The following KIAA0319 variants were observed in gnomAD, a reference collection of about 807,000 sequenced individuals.
KIAA0319 encodes the protein KIAA0319.
In KIAA0319, 83 loss-of-function variants were observed where a neutral mutation model predicts 108.4. The observed-to-expected ratio is 0.77, with a 90% CI of 0.64 to 0.92. The LOEUF (loss-of-function observed/expected upper bound fraction) is 0.92. Among genes scored for constraint, KIAA0319 ranks in the 40% least tolerant of loss-of-function variants. The pLI, the probability that KIAA0319 is intolerant of heterozygous loss-of-function variation, is 0.00. For synonymous variants in KIAA0319, 484 were observed against 510.4 expected, an observed-to-expected ratio of 0.95 and a Z score of 0.70; for missense variants, 1,195 against 1,322.4, an observed-to-expected ratio of 0.90 and a Z score of 1.49.
chr6:24,623,055 A>G (rs912658617), intron 1 of KIAA0319, among the ~76,000 whole-genome samples: 21 of 151,588 alleles, frequency 1.4e-4, no homozygotes, highest in African/African-American at 5.1e-4. Flanking sequence ...AGAAAAAAAA[A>G]AGAGAGAGAG....
rs1328044025 is a variant in KIAA0319, at chr6:24,545,372, A to T, written c.*1793T>A. 1.3e-5 allele frequency: 2 copies of T among 152,188 alleles called. No individual in the cohort carries two copies. Among genetic ancestry groups the T allele is most frequent in the African/African-American group, 4.8e-5 (2 of 41,428 alleles). The allele number at this position is 152,188 out of a possible 1,614,324, so 9.4% of individuals were successfully genotyped here. On this transcript the variant is annotated 3_prime_UTR_variant, in exon 21 of 21. Coordinates refer to ENST00000378214, the MANE Select transcript of KIAA0319 (RefSeq NM_014809.4). Reference sequence around the variant, plus strand: ...TAAACTGCATATGTTATGTACATAAAGCGGTAAATGTTCACTCCCTTCTTC... The same window carrying T: ...TAAACTGCATATGTTATGTACATAATGCGGTAAATGTTCACTCCCTTCTTC...
At chr6:24,556,757 C>A (rs1762350347) in intron 17 of KIAA0319, 28 bp from the exon 18 acceptor site, 3 of 1,593,558 alleles carry the variant, frequency 1.9e-6, no homozygotes, top group Non-Finnish European at 2.6e-6. Flanking sequence ...GGGCTGAGGG[C>A]AGCATGCAGA....
At chr6:24,596,648 G>T in intron 2 of KIAA0319, 30 bp from the exon 3 acceptor site, 1 of 1,561,426 alleles carries the variant, frequency 6.4e-7, no homozygotes, top group Non-Finnish European at 8.7e-7. Flanking sequence ...TAATGAGGGA[G>T]AGAGGCATAT....
rs530606637 is a variant in KIAA0319 at position 24,610,626 on chromosome 6, G to A, written c.-105-9418C>T. 9.9e-4 allele frequency among the ~76,000 whole-genome samples: 151 copies of A among 152,232 alleles called. 1 individual carries two copies. The highest frequency in any genetic ancestry group is 3.4e-3 in the African/African-American group (142 of 41,546). On this transcript the variant is annotated intron_variant, in intron 1 of 20. Transcript: ENST00000378214. ...TATAGCCACAAAACAATGTGTACAT[G>A]ATAAGGGAGTTAGGCCTGGCAGGGT...
rs904690043 is a variant in KIAA0319 at position 24,566,817 on chromosome 6, C to T, written c.2141-69G>A. ...AACACCAGTGATAGAATAAGTGTGT[C>T]ATAAAACATCCACAACTCTTCCACC... On this transcript the variant is annotated intron_variant, in intron 13 of 20. Coordinates refer to ENST00000378214, the MANE Select transcript of KIAA0319 (RefSeq NM_014809.4). The T allele has an allele frequency of 7.2e-6, 10 of 1,384,412 alleles. No individual in the cohort carries two copies. The African/African-American group carries it at 1.0e-4, about 14-fold the overall frequency. The allele number at this position is 1,384,412 out of a possible 1,614,324, so 85.8% of individuals were successfully genotyped here. A position where few individuals can be genotyped will look rare whatever the true frequency, so the allele number is the denominator to read the frequency against.
intron 2 of KIAA0319, among the ~76,000 whole-genome samples, chr6:24,600,067 T>C (rs1230544371): frequency 6.8e-6 from 1 of 148,106 alleles, no homozygotes; most frequent in African/African-American, 2.5e-5. Flanking sequence ...AAATTGCAAA[T>C]AACATTTATT....
chr6:24,599,036 T>A lies in KIAA0319; in HGVS notation c.55+2013A>T. On this transcript the variant is annotated intron_variant, in intron 2 of 20. Transcript: ENST00000378214. The surrounding 1 kb of genome is among the most constrained non-coding windows in gnomAD (Gnocchi z 4.1). ...AGATCAACTTCCTCAGGCAGCTGTA[T>A]GAAGAGGAGATCCAGGAGCTGCAGT... is the stretch of plus-strand genomic sequence containing the variant. 1 of 733,656 alleles carries A rather than the reference T, an allele frequency of 1.4e-6. No individual in the cohort carries two copies. Among genetic ancestry groups the A allele is most frequent in the East Asian group, 2.6e-5 (1 of 38,906 alleles). The allele number at this position is 733,656 out of a possible 1,614,324, so 45.4% of individuals were successfully genotyped here. A position where few individuals can be genotyped will look rare whatever the true frequency, so the allele number is the denominator to read the frequency against.
At chr6:24,585,805 G>A (rs1767390212) in intron 4 of KIAA0319, among the ~76,000 whole-genome samples, 1 of 152,032 alleles carries the variant, frequency 6.6e-6, no homozygotes, top group South Asian at 2.1e-4. Context: ...TAAAACCAAG[G>A]TGGCCAGGCA....
chr6:24,623,062 A>C (rs1426983756), intron 1 of KIAA0319, among the ~76,000 whole-genome samples: 1 of 151,976 alleles, frequency 6.6e-6, no homozygotes, highest in Non-Finnish European at 1.5e-5. Context: ...AAAAAGAGAG[A>C]GAGAGAGAGA....
Position 24,545,306 on chromosome 6 carries a change from A to G in KIAA0319, c.*1859T>C, listed in dbSNP as rs1760490167. On this transcript the variant is annotated 3_prime_UTR_variant, in exon 21 of 21. Transcript: ENST00000378214. Reference sequence around the variant, plus strand: ...CTATCTGCAACATAAGAATGATAGTATCTCCTCTTCAAGGTTGATTATAAG... The same window carrying G: ...CTATCTGCAACATAAGAATGATAGTGTCTCCTCTTCAAGGTTGATTATAAG... The G allele has an allele frequency of 6.6e-6, 1 of 152,214 alleles. No individual in the cohort carries two copies. Among genetic ancestry groups the G allele is most frequent in the South Asian group, 2.1e-4 (1 of 4,828 alleles). 9.4% of individuals were successfully genotyped at this position (152,214 alleles called of 1,614,324 possible).
intron 1 of KIAA0319, among the ~76,000 whole-genome samples, chr6:24,610,657 A>T (rs191454957): frequency 6.6e-6 from 1 of 152,334 alleles, no homozygotes; most frequent in East Asian, 1.9e-4. Flanking sequence ...AGGGTGGCTC[A>T]TTCCTGTAAT....
At chr6:24,573,675 T>G (rs1173534691) in intron 10 of KIAA0319, among the ~76,000 whole-genome samples, 3 of 152,250 alleles carry the variant, frequency 2.0e-5, no homozygotes, top group Admixed American at 6.5e-5. Flanking sequence ...CACATTAAAC[T>G]GATAAAAGTA....
At chr6:24,563,337 G>C in intron 16 of KIAA0319, 22 bp downstream of exon 16, 1 of 1,602,096 alleles carries the variant, frequency 6.2e-7, no homozygotes, top group Non-Finnish European at 8.5e-7. Flanking sequence ...CCAAGGCCCC[G>C]CCTTGAGTGT....
At chr6:24,571,623 C>T (rs1764739000) in intron 11 of KIAA0319, among the ~76,000 whole-genome samples, 1 of 152,282 alleles carries the variant, frequency 6.6e-6, no homozygotes, top group Admixed American at 6.5e-5. Flanking sequence ...CCCATTCCCA[C>T]ATCCCTACCT....
At chr6:24,576,262 CA>C (rs1409524945) in intron 10 of KIAA0319, 105 bp downstream of exon 10, 1 of 882,224 alleles carries the variant, frequency 1.1e-6, no homozygotes, top group African/African-American at 1.7e-5. Context: ...GATAACTTTA[CA>C]AAATAAATTA....
At chr6:24,562,073 C>T (rs74737594) in intron 16 of KIAA0319, among the ~76,000 whole-genome samples, 1 of 152,144 alleles carries the variant, frequency 6.6e-6, no homozygotes. Flanking sequence ...TGGGTTCAAG[C>T]TATCTGCCTG....
chr6:24,621,178 C>T (rs903086193), intron 1 of KIAA0319, among the ~76,000 whole-genome samples: 5 of 152,116 alleles, frequency 3.3e-5, no homozygotes, highest in Non-Finnish European at 5.9e-5. Context: ...TTTCTTAGGA[C>T]GTTAGCATTT....
At chr6:24,551,368 G>T in intron 20 of KIAA0319, 66 bp downstream of exon 20, 1 of 1,059,432 alleles carries the variant, frequency 9.4e-7, no homozygotes, top group African/African-American at 1.6e-5. Flanking sequence ...ATCCAAGTTA[G>T]CCCTCAGGCC....
chr6:24,626,360 C>T (rs1357515037), intron 1 of KIAA0319, among the ~76,000 whole-genome samples: 1 of 151,950 alleles, frequency 6.6e-6, no homozygotes, highest in African/African-American at 2.4e-5. Flanking sequence ...AGCAAAATCC[C>T]GTCTCTACTA....
Sources: allele counts gnomAD v4.1 joint callset (sites outside exome capture counted in the v4.1 genomes callset), GRCh38; gene constraint gnomAD v4.1.1; non-coding constraint Gnocchi (gnomAD v3.1); transcripts MANE v1.5; gene names NCBI Gene and HGNC (gene_info 2026-07-23, HGNC 2026-07-21).